Variants in CDH13 observed in about 807,000 individuals in gnomAD.
CDH13 encodes cadherin-13.
In CDH13, 24 loss-of-function variants were observed where a neutral mutation model predicts 63.8. The ratio of observed to expected loss-of-function variants is 0.38; its 90% CI spans 0.27 to 0.53. The LOEUF (loss-of-function observed/expected upper bound fraction) is 0.53, where lower values mean the gene tolerates loss of function less well. Ranked by LOEUF, CDH13 falls within the 20% of genes least tolerant of loss-of-function variation. The probability of loss-of-function intolerance (pLI) is 0.85; values close to 1 mark genes in which losing one functional copy is unlikely to be tolerated. For synonymous variants in CDH13, 503 were observed against 355.3 expected (o/e 1.42, Z -4.67); for missense variants, 1,049 against 903.1 (o/e 1.16, Z -2.07).
At chr16:83,264,808 A>G (rs1210440929) in intron 5 of CDH13, among the ~76,000 whole-genome samples, 2 of 151,852 alleles carry the variant, frequency 1.3e-5, no homozygotes, top group South Asian at 4.1e-4. Flanking sequence ...CTATCATCAT[A>G]CTATTATAAT....
intron 3 of CDH13, among the ~76,000 whole-genome samples, chr16:83,037,619 G>A (rs1284834019): frequency 1.3e-5 from 2 of 152,212 alleles, no homozygotes; most frequent in African/African-American, 2.4e-5. Flanking sequence ...TCAGGCTTGA[G>A]TGTGTTGATT....
intron 7 of CDH13, among the ~76,000 whole-genome samples, chr16:83,587,622 A>G (rs1168340124): frequency 6.6e-6 from 1 of 152,194 alleles, no homozygotes. Flanking sequence ...AAGAAAGAAA[A>G]AGAATCACCT....
At chr16:83,686,824 T>C (rs1733828658) in intron 10 of CDH13, among the ~76,000 whole-genome samples, 1 of 152,190 alleles carries the variant, frequency 6.6e-6, no homozygotes, top group South Asian at 2.1e-4. Context: ...GCATAAGGAC[T>C]GGTGCATGAC....
chr16:83,394,706 G>A (rs190833993), intron 6 of CDH13, among the ~76,000 whole-genome samples: 87 of 152,308 alleles, frequency 5.7e-4, no homozygotes, highest in Non-Finnish European at 1.1e-3. Context: ...CAAAAGCAAG[G>A]CAGCCATTGA....
chr16:83,598,437 G>A (rs1907475588), intron 7 of CDH13, among the ~76,000 whole-genome samples: 1 of 152,248 alleles, frequency 6.6e-6, no homozygotes, highest in South Asian at 2.1e-4. Flanking sequence ...CTGTTTAAGG[G>A]AAAGTATTAA....
chr16:83,015,677 G>GTGTGTATATATA (rs1280924836), intron 2 of CDH13, among the ~76,000 whole-genome samples: 2 of 37,562 alleles, frequency 5.3e-5, no homozygotes, highest in African/African-American at 1.7e-4. Flanking sequence ...GTGTGTGTAT[G>GTGTGTATATATA]TATATATATA....
At chr16:83,723,631 G>T (rs1207362753) in intron 10 of CDH13, among the ~76,000 whole-genome samples, 4 of 152,170 alleles carry the variant, frequency 2.6e-5, no homozygotes, top group Non-Finnish European at 4.4e-5. Context: ...TCCCTGTACT[G>T]TTGCCCAATG....
At chr16:82,831,954 C>G (rs1416134872) in intron 1 of CDH13, among the ~76,000 whole-genome samples, 1 of 152,192 alleles carries the variant, frequency 6.6e-6, no homozygotes, top group East Asian at 1.9e-4. Context: ...GAATAAAACT[C>G]ATTATCACAT....
chr16:82,714,066 T>A lies in CDH13; in HGVS notation c.45+86929T>A, dbSNP rs116155273. Among the ~76,000 whole-genome samples, 996 of 152,276 alleles carry A rather than the reference T, an allele frequency of 6.5e-3. 14 individuals carry two copies. Among genetic ancestry groups the A allele is most frequent in the African/African-American group, 0.021 (892 of 41,556 alleles). On this transcript the variant is annotated intron_variant, in intron 1 of 13. Coordinates refer to ENST00000567109, the MANE Select transcript of CDH13 (RefSeq NM_001257.5). ...CACCTGTCTCGGCCTTCCAAAGTGC[T>A]GGAATTACAGGTGTGAGCCACTGTA...
intron 2 of CDH13, among the ~76,000 whole-genome samples, chr16:83,011,197 C>G (rs1407727736): frequency 1.3e-5 from 2 of 152,080 alleles, no homozygotes; most frequent in Non-Finnish European, 2.9e-5. Flanking sequence ...CTAGGTTTTT[C>G]TACATCTACC....
At chr16:82,631,199 T>C (rs1907968022) in intron 1 of CDH13, among the ~76,000 whole-genome samples, 2 of 152,348 alleles carry the variant, frequency 1.3e-5, no homozygotes, top group Non-Finnish European at 2.9e-5. Context: ...CCTCTGAGTA[T>C]TGGAGCAGGG....
intron 2 of CDH13, among the ~76,000 whole-genome samples, chr16:82,893,369 C>A (rs139424987): frequency 1.2e-4 from 18 of 152,226 alleles, no homozygotes; most frequent in Non-Finnish European, 2.5e-4. Context: ...AATAACATGC[C>A]GATTTTTTAC....
chr16:83,728,162 C>A (rs1355325953), intron 10 of CDH13, among the ~76,000 whole-genome samples: 2 of 152,184 alleles, frequency 1.3e-5, no homozygotes, highest in Non-Finnish European at 2.9e-5. Flanking sequence ...GAGCCACACA[C>A]CACGTCTCTG....
chr16:83,704,783 T>C (rs1323131762), intron 10 of CDH13, among the ~76,000 whole-genome samples: 1 of 152,224 alleles, frequency 6.6e-6, no homozygotes, highest in Non-Finnish European at 1.5e-5. Context: ...CAAAGTTCAA[T>C]TGGAATTTTT....
intron 1 of CDH13, among the ~76,000 whole-genome samples, chr16:82,684,847 C>G (rs1365454998): frequency 1.3e-5 from 2 of 152,218 alleles, no homozygotes; most frequent in Admixed American, 1.3e-4. Flanking sequence ...GCCACAGCCT[C>G]CTTCTGAGAG....
At chr16:83,617,825 A>T (rs35529935) in intron 8 of CDH13, among the ~76,000 whole-genome samples, 24,669 of 151,876 alleles carry the variant, frequency 0.16, 2,518 homozygotes, top group Middle Eastern at 0.29. Flanking sequence ...AATATATAAT[A>T]TTTATTCTAT....
chr16:83,751,218 T>A (rs1913055165), intron 11 of CDH13, among the ~76,000 whole-genome samples: 2 of 152,112 alleles, frequency 1.3e-5, no homozygotes, highest in Non-Finnish European at 2.9e-5. Context: ...AGTCATGAAA[T>A]CAATCGTGAA....
chr16:83,700,232 A>G (rs1207569118), intron 10 of CDH13, among the ~76,000 whole-genome samples: 1 of 152,156 alleles, frequency 6.6e-6, no homozygotes, highest in Admixed American at 6.5e-5. Flanking sequence ...TTATTGTGGG[A>G]TTCATCCGTG....
chr16:83,170,289 C>T (rs528929595), intron 4 of CDH13, among the ~76,000 whole-genome samples: 1 of 152,078 alleles, frequency 6.6e-6, no homozygotes, highest in Non-Finnish European at 1.5e-5. Flanking sequence ...ATCATTTTCT[C>T]AGACTCCCAC....
Sources: allele counts gnomAD v4.1 joint callset (sites outside exome capture counted in the v4.1 genomes callset), GRCh38; gene constraint gnomAD v4.1.1; transcripts MANE v1.5; gene names NCBI Gene and HGNC (gene_info 2026-07-23, HGNC 2026-07-21).